Variants in PPID observed in about 807,000 individuals in gnomAD.
PPID encodes the protein peptidylprolyl isomerase D.
In PPID, 47 loss-of-function variants were observed where a neutral mutation model predicts 48.1. The ratio of observed to expected loss-of-function variants is 0.98; its 90% confidence interval spans 0.77 to 1.25. The LOEUF (loss-of-function observed/expected upper bound fraction) is 1.25, where lower values mean the gene tolerates loss of function less well. PPID is among the 50% of genes most tolerant of loss of function. The pLI is 0.00. For synonymous variants in PPID, 163 were observed against 148.8 expected (o/e 1.10, Z -0.69); for missense variants, 429 against 443.5 (o/e 0.97, Z 0.29).
intron 3 of PPID, among the ~76,000 whole-genome samples, chr4:158,718,473 A>G (rs1235832114): frequency 6.6e-6 from 1 of 152,202 alleles, no homozygotes; most frequent in Non-Finnish European, 1.5e-5. Flanking sequence ...CAGTAGTCCC[A>G]TGTATCTTAA....
intron 6 of PPID, 56 bp from the exon 7 acceptor site, chr4:158,713,316 T>G: frequency 6.8e-7 from 1 of 1,460,690 alleles, no homozygotes; most frequent in Non-Finnish European, 9.2e-7. Context: ...GGAATTACTC[T>G]TCTCTATGTC....
intron 6 of PPID, among the ~76,000 whole-genome samples, chr4:158,714,810 G>T (rs543226414): frequency 6.6e-6 from 1 of 152,080 alleles, no homozygotes; most frequent in African/African-American, 2.4e-5. Context: ...GGCTGGTCTC[G>T]AACTCCCGAC....
At chr4:158,715,014 A>C (rs1322963727) in intron 6 of PPID, among the ~76,000 whole-genome samples, 1 of 152,248 alleles carries the variant, frequency 6.6e-6, no homozygotes, top group Non-Finnish European at 1.5e-5. Context: ...GTATCACAGT[A>C]TCAACAACTT....
rs780678246 is a variant in PPID, at chr4:158,713,175, C to G, written c.838G>C (p.Gly280Arg). 1 of 1,613,998 alleles carries G rather than the reference C, an allele frequency of 6.2e-7. No individual in the cohort carries two copies. The part of the protein sequence containing the change: ...PIALSCVLNI[G>R]ACKLKMSNWQ... ...TTTGACATCTTCAGTTTACAAGCAC[C>G]AATATTCAGTACACAGCTTAAAGCT... The change falls in exon 7 of 10, where the codon GGT (glycine) becomes CGT (arginine). Residue 280 changes from glycine to arginine, a missense_variant. Gly to Arg is a moderately radical substitution (Grantham distance 125). Transcript: ENST00000307720.
chr4:158,721,508 G>C (rs1774959940), intron 1 of PPID, 25 bp from the exon 2 acceptor site: 1 of 1,608,568 alleles, frequency 6.2e-7, no homozygotes, highest in East Asian at 2.2e-5. Flanking sequence ...AATCTTGTCA[G>C]TATGCAAAAC....
At chr4:158,723,158 C>A in intron 1 of PPID, 46 bp downstream of exon 1, 1 of 1,555,502 alleles carries the variant, frequency 6.4e-7, no homozygotes, top group Non-Finnish European at 8.8e-7. Flanking sequence ...ATCCCGGGAA[C>A]CCCCGCCTCC....
In PPID at chr4:158,715,403, C is replaced by A; in HGVS notation, c.646G>T (p.Val216Leu). The change falls in exon 6 of 10, where the codon GTA (valine) becomes TTA (leucine). Residue 216 changes from valine (V) to leucine (L), a missense_variant and splice_region_variant. Coordinates refer to ENST00000307720, the MANE Select transcript of PPID (RefSeq NM_005038.3). ...PEDADIDLKD[V>L]DKILLITEDL... ...TCTGTTATTAATAAAATTTTATCTA[C>A]CTGTATAAAAAAATACAAATATGTT... The A allele has an allele frequency of 2.0e-6, 3 of 1,495,738 alleles. No individual in the cohort carries two copies. The highest frequency in any genetic ancestry group is 1.3e-5 in the South Asian group (1 of 75,528). The allele number at this position is 1,495,738 out of a possible 1,614,324, so 92.7% of individuals were successfully genotyped here.
At position 158,723,302 on chromosome 4, in the gene PPID, C is replaced by T. The variant is rs1187548040; in HGVS notation, c.-14G>A. On this transcript the variant is annotated 5_prime_UTR_variant, in exon 1 of 10. Coordinates refer to ENST00000307720, the MANE Select transcript of PPID (RefSeq NM_005038.3). Reference sequence around the variant, plus strand: ...CGGGTGCGACATCTTGACTTGCAGACGTGTTTAGTACGGAATATCAGAGTA... The same window carrying T: ...CGGGTGCGACATCTTGACTTGCAGATGTGTTTAGTACGGAATATCAGAGTA... 1.2e-6 allele frequency: 2 copies of T among 1,611,666 alleles called. No homozygotes were observed. The highest frequency in any genetic ancestry group is 8.5e-7 in the Non-Finnish European group (1 of 1,178,134).
chr4:158,721,339 A>G lies in PPID; in HGVS notation c.226+4T>C, dbSNP rs555339594. 2.5e-6 allele frequency: 4 copies of G among 1,613,660 alleles called. No homozygotes were observed. The highest frequency in any genetic ancestry group is 2.7e-5 in the African/African-American group (2 of 75,028). On this transcript the variant is annotated splice_donor_region_variant and intron_variant, in intron 2 of 9. Coordinates refer to ENST00000307720, the MANE Select transcript of PPID (RefSeq NM_005038.3). ...ATAACAAGATTAAGAAAATTTACAC[A>G]TACTTCGATGAAAAGGGCATCCTTT...
chr4:158,719,103 G>T, intron 3 of PPID, 77 bp downstream of exon 3: 3 of 881,836 alleles, frequency 3.4e-6, no homozygotes, highest in Non-Finnish European at 5.3e-6. Context: ...AACATTTTTT[G>T]GTGTCTTAAT....
intron 9 of PPID, 63 bp downstream of exon 9, chr4:158,710,565 G>C: frequency 1.3e-6 from 2 of 1,536,654 alleles, no homozygotes; most frequent in Non-Finnish European, 1.8e-6. Flanking sequence ...AGTGAACAAT[G>C]GTTCCTGAGG....
intron 1 of PPID, among the ~76,000 whole-genome samples, chr4:158,722,043 C>T (rs904645961): frequency 6.6e-6 from 1 of 152,176 alleles, no homozygotes; most frequent in African/African-American, 2.4e-5. Context: ...ACCTCTTTGA[C>T]ATACAAACTT....
At chr4:158,716,055 C>T (rs1774866026) in intron 4 of PPID, among the ~76,000 whole-genome samples, 2 of 151,974 alleles carry the variant, frequency 1.3e-5, no homozygotes, top group South Asian at 2.1e-4. Context: ...GTCACTTAGG[C>T]TGGGTAGTAT....
chr4:158,709,190 G>A lies in PPID; in HGVS notation c.*546C>T, dbSNP rs1290528901. ...TGTCTTTACAAGTTTAAAAAGACTG[G>A]ACACCATTATTTTTTATGAATAATG... On this transcript the variant is annotated 3_prime_UTR_variant, in exon 10 of 10. Coordinates refer to ENST00000307720, the MANE Select transcript of PPID (RefSeq NM_005038.3). The A allele has an allele frequency of 1.3e-5, 2 of 152,756 alleles. No homozygotes were observed. Among genetic ancestry groups the A allele is most frequent in the Non-Finnish European group, 2.9e-5 (2 of 68,584 alleles). The allele number at this position is 152,756 out of a possible 1,614,324, so 9.5% of individuals were successfully genotyped here. A position where few individuals can be genotyped will look rare whatever the true frequency, so the allele number is the denominator to read the frequency against.
chr4:158,710,680 G>GA lies in PPID; in HGVS notation c.982-11dup, dbSNP rs746098086. On this transcript the variant is annotated splice_polypyrimidine_tract_variant and intron_variant, in intron 8 of 9. Transcript: ENST00000307720. ...CTTTCTTAAGATCAGCCTTTAATTG[G>GA]AAAAAAACATTTAAGTTAGGTGTAT... 27 of 1,612,342 alleles carry GA rather than the reference G, an allele frequency of 1.7e-5. No homozygotes were observed. Among genetic ancestry groups the GA allele is most frequent in the African/African-American group, 8.0e-5 (6 of 74,730 alleles).
intron 6 of PPID, among the ~76,000 whole-genome samples, chr4:158,714,692 G>GT (rs1774841801): frequency 6.6e-6 from 1 of 151,870 alleles, no homozygotes; most frequent in Non-Finnish European, 1.5e-5. Flanking sequence ...CTGGGTTCAA[G>GT]TAATTCTTGT....
Position 158,715,613 on chromosome 4 carries a change from A to G in PPID, c.594T>C (p.Ser198=). 6.2e-7 allele frequency: 1 copy of G among 1,613,650 alleles called. No individual in the cohort carries two copies. The highest frequency in any genetic ancestry group is 1.1e-5 in the South Asian group (1 of 91,074). Residue 198 remains serine, a synonymous_variant, in exon 5 of 10, where the codon TCT becomes TCC. Transcript: ENST00000307720. ...CAGGGAAATCTGGATGACTGTCGCC[A>G]GAGCCATCTTTTGGGAATATTCCCC... is the stretch of plus-strand genomic sequence containing the variant. ...DDGGIFPKDG[S]GDSHPDFPED...
intron 7 of PPID, 66 bp from the exon 8 acceptor site, chr4:158,710,914 A>G: frequency 7.2e-7 from 1 of 1,382,824 alleles, no homozygotes; most frequent in Non-Finnish European, 1.0e-6. Context: ...ATTTCAATTC[A>G]TTGCCTATCA....
intron 2 of PPID, among the ~76,000 whole-genome samples, chr4:158,719,893 T>C (rs1323233045): frequency 6.6e-6 from 1 of 152,160 alleles, no homozygotes; most frequent in Non-Finnish European, 1.5e-5. Context: ...GTGGTAAGGA[T>C]ACACAGCGAG....
Sources: gnomAD v4.1 joint callset for allele counts (sites outside exome capture counted in the v4.1 genomes callset) on GRCh38, gnomAD v4.1.1 for gene constraint, MANE v1.5 for transcripts, NCBI Gene and HGNC (gene_info 2026-07-23, HGNC 2026-07-21) for gene names.